MTFR1: variants seen among roughly 807,000 people sequenced by gnomAD.
MTFR1 encodes the protein mitochondrial fission regulator 1.
A neutral mutation model predicts 38.8 loss-of-function variants in MTFR1; 28 were observed. The observed-to-expected ratio is 0.72, with a 90% CI of 0.53 to 0.99. The LOEUF is 0.99. Among genes scored for constraint, MTFR1 ranks in the 50% least tolerant of loss-of-function variants. The pLI is 0.00. For missense variants in MTFR1, 358 were observed against 395.5 expected (o/e 0.91, Z 0.81); for synonymous variants, 145 against 137.0 (o/e 1.06, Z -0.41).
At chr8:65,726,694 T>C (rs1054357014) in intron 3 of MTFR1, among the ~76,000 whole-genome samples, 1 of 152,214 alleles carries the variant, frequency 6.6e-6, no homozygotes, top group African/African-American at 2.4e-5. Flanking sequence ...CATTAAAATG[T>C]TACCGACTAT....
At chr8:65,752,256 C>T (rs1182172871) in intron 3 of MTFR1, among the ~76,000 whole-genome samples, 1 of 152,130 alleles carries the variant, frequency 6.6e-6, no homozygotes, top group Non-Finnish European at 1.5e-5. Flanking sequence ...GCTGTAGAAA[C>T]TGAATATACT....
chr8:65,745,452 C>T, intron 3 of MTFR1: 1 of 1,565,966 alleles, frequency 6.4e-7, no homozygotes, highest in Non-Finnish European at 8.8e-7. Context: ...TTCCAATTTC[C>T]AACTTTTTCC....
chr8:65,767,940 C>G (rs1162197762), intron 3 of MTFR1, among the ~76,000 whole-genome samples: 1 of 152,098 alleles, frequency 6.6e-6, no homozygotes, highest in African/African-American at 2.4e-5. Context: ...TTCCAGAGGC[C>G]AGGACTTGTG....
At chr8:65,762,954 T>G (rs1387155924) in intron 3 of MTFR1, among the ~76,000 whole-genome samples, 2 of 151,040 alleles carry the variant, frequency 1.3e-5, no homozygotes, top group East Asian at 3.9e-4. Context: ...CTGGGCAACA[T>G]AGTGAGCCTC....
Position 65,739,779 on chromosome 8 carries a change from A to G in MTFR1, c.*48+20298A>G, listed in dbSNP as rs571583223. Among the ~76,000 whole-genome samples, 11 of 152,350 alleles carry G rather than the reference A, an allele frequency of 7.2e-5. No homozygotes were observed. The East Asian group carries it at 1.3e-3, about 19-fold the overall frequency. On this transcript the variant is annotated intron_variant, in intron 3 of 3. Coordinates refer to the MTFR1 transcript ENST00000521247. ...TTTATATGTCACATCTTGTTTCATT[A>G]TAAGAAAAATTTAATTTTTGTTGTT...
intron 1 of MTFR1, among the ~76,000 whole-genome samples, chr8:65,645,579 G>T (rs961444264): frequency 4.6e-5 from 7 of 151,998 alleles, no homozygotes; most frequent in African/African-American, 7.2e-5. Context: ...AGGCTGGAGT[G>T]CAGTGGCGGG....
intron 3 of MTFR1, among the ~76,000 whole-genome samples, chr8:65,757,831 C>A (rs781009680): frequency 1.3e-5 from 2 of 152,176 alleles, no homozygotes; most frequent in Admixed American, 6.5e-5. Flanking sequence ...ATTGGCCAGG[C>A]TGGTCTCGAT....
At chr8:65,665,624 CTCT>C (rs1187691230) in intron 1 of MTFR1, among the ~76,000 whole-genome samples, 1 of 152,098 alleles carries the variant, frequency 6.6e-6, no homozygotes, top group Non-Finnish European at 1.5e-5. Flanking sequence ...TTTGATTTTT[CTCT>C]TCTTCCTTAT....
At position 65,729,908 on chromosome 8, in the gene MTFR1, G is replaced by T. The variant is rs1806781030; in HGVS notation, c.*48+10427G>T. The stretch of plus-strand genomic sequence containing the variant: ...TCTTGACACATTATGTCCATCCTGA[G>T]AAATTACTGAAAGAAATGAACCTCC... On this transcript the variant is annotated intron_variant, in intron 3 of 3. Transcript: ENST00000521247. Among the ~76,000 whole-genome samples the T allele has an allele frequency of 3.3e-5, 5 of 151,944 alleles. No individual in the cohort carries two copies. The South Asian group carries it at 1.0e-3, about 31-fold the overall frequency.
chr8:65,739,890 A>T (rs1394841376), intron 3 of MTFR1, among the ~76,000 whole-genome samples: 1 of 152,192 alleles, frequency 6.6e-6, no homozygotes, highest in Non-Finnish European at 1.5e-5. Context: ...GAGAATAGAC[A>T]ATAGAAAACT....
At chr8:65,708,606 A>C (rs182418073) in intron 7 of MTFR1, among the ~76,000 whole-genome samples, 2 of 152,266 alleles carry the variant, frequency 1.3e-5, no homozygotes, top group East Asian at 3.9e-4. Flanking sequence ...GTGTGTGCTA[A>C]TCTATTCCAG....
intron 3 of MTFR1, among the ~76,000 whole-genome samples, chr8:65,763,937 A>G (rs1808639479): frequency 1.3e-5 from 2 of 152,368 alleles, no homozygotes; most frequent in South Asian, 2.1e-4. Context: ...GAAGATATTT[A>G]GAAGACAGAA....
chr8:65,710,986 TATATAGAG>T (rs1805927191), downstream of MTFR1, among the ~76,000 whole-genome samples: 1 of 147,594 alleles, frequency 6.8e-6, no homozygotes, highest in Admixed American at 6.7e-5. Flanking sequence ...CTCATATATA[TATATAGAG>T]AGAGAGAGAG....
intron 3 of MTFR1, among the ~76,000 whole-genome samples, chr8:65,765,149 GC>G (rs1259769974): frequency 6.6e-6 from 1 of 152,190 alleles, no homozygotes; most frequent in African/African-American, 2.4e-5. Context: ...TCCCCCTGCT[GC>G]CCTAGCATGG....
At chr8:65,655,476 A>AATTTTGC (rs1809230101) in intron 1 of MTFR1, among the ~76,000 whole-genome samples, 1 of 152,164 alleles carries the variant, frequency 6.6e-6, no homozygotes, top group Admixed American at 6.6e-5. Flanking sequence ...CAGTGTACTT[A>AATTTTGC]ATTTTGCATG....
chr8:65,666,365 C>A (rs776464836), intron 1 of MTFR1, among the ~76,000 whole-genome samples: 5 of 152,220 alleles, frequency 3.3e-5, no homozygotes, highest in Non-Finnish European at 7.3e-5. Flanking sequence ...GAGATCGCGC[C>A]ACTGCAGTCC....
intron 7 of MTFR1, 94 bp downstream of exon 7, chr8:65,708,105 G>GT: frequency 6.2e-7 from 1 of 1,602,438 alleles, no homozygotes; most frequent in South Asian, 1.1e-5. Flanking sequence ...TGTGTCATCT[G>GT]TAAGTTCCAA....
chr8:65,692,972 C>T (rs1456861010), intron 3 of MTFR1, among the ~76,000 whole-genome samples: 7 of 150,420 alleles, frequency 4.7e-5, no homozygotes, highest in Admixed American at 3.3e-4. Flanking sequence ...CTCGGCTCAC[C>T]GCAACCTCCA....
chr8:65,769,282 T>C (rs953255880), intron 3 of MTFR1, among the ~76,000 whole-genome samples: 1 of 147,588 alleles, frequency 6.8e-6, no homozygotes, highest in African/African-American at 2.5e-5. Flanking sequence ...AACAGATGCA[T>C]GCACATATTT....
Sources: gnomAD v4.1 joint callset for allele counts (sites outside exome capture counted in the v4.1 genomes callset) on GRCh38, gnomAD v4.1.1 for gene constraint, MANE v1.5 for transcripts, NCBI Gene and HGNC (gene_info 2026-07-23, HGNC 2026-07-21) for gene names.